STK32B: variants seen among roughly 807,000 people sequenced by gnomAD.
STK32B encodes serine/threonine kinase 32B.
STK32B carries 43 observed loss-of-function variants against 52.6 expected under a neutral mutation model. That is an observed-to-expected ratio of 0.82 (90% CI 0.64 to 1.05). The LOEUF is 1.05. Ranked by LOEUF, STK32B falls within the 50% of genes least tolerant of loss-of-function variation. STK32B has a pLI of 0.00. For missense variants in STK32B, 621 were observed against 534.6 expected (o/e 1.16, Z -1.59); for synonymous variants, 238 against 204.3 (o/e 1.17, Z -1.41).
intron 3 of STK32B, among the ~76,000 whole-genome samples, chr4:5,251,416 G>A (rs557627995): frequency 7.2e-5 from 11 of 152,160 alleles, no homozygotes; most frequent in Admixed American, 7.2e-4. Context: ...TTATTTCTGG[G>A]CTCTGTATTC....
chr4:5,385,901 C>G (rs1367761077), intron 4 of STK32B, among the ~76,000 whole-genome samples: 2 of 147,184 alleles, frequency 1.4e-5, no homozygotes, highest in African/African-American at 5.1e-5. Flanking sequence ...CCACCCCTAG[C>G]TATACCCACA....
At chr4:5,076,195 C>A (rs895876386) in intron 1 of STK32B, among the ~76,000 whole-genome samples, 3 of 152,014 alleles carry the variant, frequency 2.0e-5, no homozygotes, top group Non-Finnish European at 4.4e-5. Context: ...ACTGTGCTGA[C>A]GAAGAGTCGA....
At chr4:5,456,961 T>A in intron 8 of STK32B, 38 bp downstream of exon 8, 2 of 1,447,102 alleles carry the variant, frequency 1.4e-6, no homozygotes, top group South Asian at 2.7e-5. Flanking sequence ...GCCAGGGAGC[T>A]ACGGTGAGTG....
At chr4:5,180,424 A>G (rs1720265003) in intron 3 of STK32B, among the ~76,000 whole-genome samples, 1 of 152,178 alleles carries the variant, frequency 6.6e-6, no homozygotes, top group South Asian at 2.1e-4. Flanking sequence ...CAACTGAGTC[A>G]TGTCACTAGT....
chr4:5,176,678 A>G (rs1443269445), intron 3 of STK32B, among the ~76,000 whole-genome samples: 1 of 152,042 alleles, frequency 6.6e-6, no homozygotes, highest in East Asian at 1.9e-4. Context: ...TCCTGACCTC[A>G]GGTGATCTGC....
chr4:5,236,483 C>A (rs1305980616), intron 3 of STK32B, among the ~76,000 whole-genome samples: 1 of 152,194 alleles, frequency 6.6e-6, no homozygotes, highest in African/African-American at 2.4e-5. Flanking sequence ...CTGAGAAACC[C>A]AGGCTGTATT....
intron 3 of STK32B, among the ~76,000 whole-genome samples, chr4:5,272,160 T>C (rs1727483323): frequency 6.9e-6 from 1 of 143,972 alleles, no homozygotes; most frequent in East Asian, 2.1e-4. Flanking sequence ...ATAGCTCTTA[T>C]TATTTTGAAA....
At position 5,496,989 on chromosome 4, in the gene STK32B, G is replaced by GA. The variant is rs1201192298; in HGVS notation, c.1107-1952dup. Among the ~76,000 whole-genome samples, 4 of 152,164 alleles carry GA rather than the reference G, an allele frequency of 2.6e-5. No individual in the cohort carries two copies. The South Asian group carries it at 8.3e-4, about 31-fold the overall frequency. On this transcript the variant is annotated intron_variant, in intron 11 of 11. Coordinates refer to ENST00000282908, the MANE Select transcript of STK32B (RefSeq NM_018401.3). ...GTGAGGATGGGGAGAGCTCTGGAGA[G>GA]AAAAGAGTTTCAACTAGTTTTAAGA...
intron 1 of STK32B, among the ~76,000 whole-genome samples, chr4:5,131,628 G>A (rs575580273): frequency 6.6e-6 from 1 of 152,238 alleles, no homozygotes; most frequent in Admixed American, 6.5e-5. Context: ...CCTGCCTGCT[G>A]CTCCTGGGGA....
intron 3 of STK32B, among the ~76,000 whole-genome samples, chr4:5,254,028 A>C (rs1024311041): frequency 6.6e-6 from 1 of 151,354 alleles, no homozygotes; most frequent in Non-Finnish European, 1.5e-5. Context: ...CTCGTGATCC[A>C]CCCGCCTCAG....
In STK32B at chr4:5,051,717, G is replaced by A. The variant is rs1399694532; in HGVS notation, c.-147G>A. 12 of 1,039,522 alleles carry A rather than the reference G, an allele frequency of 1.2e-5. No homozygotes were observed. The highest frequency in any genetic ancestry group is 8.2e-5 in the Admixed American group (3 of 36,486). 64.4% of individuals were successfully genotyped at this position (1,039,522 alleles called of 1,614,324 possible). A position where few individuals can be genotyped will look rare whatever the true frequency, so the allele number is the denominator to read the frequency against. On this transcript the variant is annotated 5_prime_UTR_variant, in exon 1 of 12. Transcript: ENST00000282908. The stretch of plus-strand genomic sequence containing the variant: ...GAAGGGGGACGCCGTCCCCGCCCCT[G>A]CACGGTGCTCGGCCCCCTCGGGCTC...
At chr4:5,360,007 C>G (rs780053990) in intron 4 of STK32B, among the ~76,000 whole-genome samples, 1 of 152,196 alleles carries the variant, frequency 6.6e-6, no homozygotes, top group Non-Finnish European at 1.5e-5. Flanking sequence ...ATCATTCAGG[C>G]TGCTGTGTGG....
chr4:5,168,525 G>A lies in STK32B; in HGVS notation c.260+75G>A. On this transcript the variant is annotated intron_variant, in intron 3 of 11. Transcript: ENST00000282908. ...AAATGCAAATTCGCCTCTGCTAGAG[G>A]GACTCTTCCGCATTGTAAAGGGAAA... 13 of 1,459,402 alleles carry A rather than the reference G, an allele frequency of 8.9e-6. No individual in the cohort carries two copies. The Admixed American group carries it at 1.6e-4, about 18-fold the overall frequency. The allele number at this position is 1,459,402 out of a possible 1,614,324, so 90.4% of individuals were successfully genotyped here. A position where few individuals can be genotyped will look rare whatever the true frequency, so the allele number is the denominator to read the frequency against.
rs577573590 is a variant in STK32B at position 5,222,061 on chromosome 4, A to T, written c.260+53611A>T. Among the ~76,000 whole-genome samples the T allele has an allele frequency of 2.6e-4, 39 of 152,258 alleles. 1 individual carries two copies. The South Asian group carries it at 8.1e-3, about 32-fold the overall frequency. ...ATTCCACCCCTCTGGAGGATGCAGCATCAAAGTGCCATCTTGGATGAAGAG... is the reference window on the plus strand; with the variant it reads ...ATTCCACCCCTCTGGAGGATGCAGCTTCAAAGTGCCATCTTGGATGAAGAG... On this transcript the variant is annotated intron_variant, in intron 3 of 11. Transcript: ENST00000282908.
chr4:5,159,603 A>ATATGAATG (rs1718204742), intron 2 of STK32B, among the ~76,000 whole-genome samples: 1 of 108,666 alleles, frequency 9.2e-6, no homozygotes, highest in Non-Finnish European at 1.7e-5. Context: ...ATATGAATAT[A>ATATGAATG]TATATGAATA....
chr4:5,084,800 G>C (rs1052938424), intron 1 of STK32B, among the ~76,000 whole-genome samples: 1 of 152,170 alleles, frequency 6.6e-6, no homozygotes, highest in Admixed American at 6.5e-5. Flanking sequence ...AACTGTCTCA[G>C]AGTGGAACTG....
chr4:5,297,047 G>A (rs1729247392), intron 3 of STK32B, among the ~76,000 whole-genome samples: 1 of 152,124 alleles, frequency 6.6e-6, no homozygotes, highest in Admixed American at 6.6e-5. Flanking sequence ...AGCTTAGTTT[G>A]GCTGGATATG....
chr4:5,022,642 G>T, the STK32B span, among the ~76,000 whole-genome samples: 1 of 152,162 alleles, frequency 6.6e-6, no homozygotes, highest in Admixed American at 6.5e-5. Flanking sequence ...CTTACATCGG[G>T]CACGGACCCC....
the STK32B span, among the ~76,000 whole-genome samples, chr4:5,046,469 G>A: frequency 4.9e-4 from 75 of 152,230 alleles, no homozygotes; most frequent in African/African-American, 1.7e-3. Context: ...AAGATTTCAC[G>A]GCTAAAACAA....
Sources: allele counts gnomAD v4.1 joint callset (sites outside exome capture counted in the v4.1 genomes callset), GRCh38; gene constraint gnomAD v4.1.1; transcripts MANE v1.5; gene names NCBI Gene and HGNC (gene_info 2026-07-23, HGNC 2026-07-21).